Variants in METTL9 observed in about 807,000 individuals in gnomAD.
The protein encoded by METTL9 is protein-L-histidine N-pros-methyltransferase.
Under a neutral mutation model 36.0 loss-of-function variants are expected in METTL9, and 10 were observed. That is an observed-to-expected ratio of 0.28 (90% CI 0.17 to 0.47). The LOEUF (loss-of-function observed/expected upper bound fraction) is 0.47, where lower values mean the gene tolerates loss of function less well. Ranked by LOEUF, METTL9 falls within the 20% of genes least tolerant of loss-of-function variation. The pLI, the probability that METTL9 is intolerant of heterozygous loss-of-function variation, is 0.99. For synonymous variants in METTL9, 175 were observed against 149.7 expected (o/e 1.17, Z -1.23); for missense variants, 246 against 383.5 (o/e 0.64, Z 3.00).
intron 4 of METTL9, 166 bp from the exon 5 acceptor site, chr16:21,655,061 C>T: frequency 1.6e-6 from 1 of 632,886 alleles, no homozygotes; most frequent in East Asian, 2.8e-5. Context: ...TGTTCTTTAT[C>T]TGCCCACCTG....
At position 21,655,541 on chromosome 16, in the gene METTL9, T is replaced by G; in HGVS notation, c.*109T>G. The stretch of plus-strand genomic sequence containing the variant: ...GGAGGACCCTTGGGGACCGCCATTC[T>G]AAATATCATGTAGGAATTTAAAAAG... On this transcript the variant is annotated 3_prime_UTR_variant, in exon 5 of 5. Coordinates refer to ENST00000358154, the MANE Select transcript of METTL9 (RefSeq NM_016025.5). 1 of 893,604 alleles carries G rather than the reference T, an allele frequency of 1.1e-6. No individual in the cohort carries two copies. Among genetic ancestry groups the G allele is most frequent in the Non-Finnish European group, 1.7e-6 (1 of 582,350 alleles). 55.4% of individuals were successfully genotyped at this position (893,604 alleles called of 1,614,324 possible).
intron 4 of METTL9, among the ~76,000 whole-genome samples, chr16:21,629,417 C>T (rs1469387424): frequency 6.6e-6 from 1 of 152,110 alleles, no homozygotes; most frequent in African/African-American, 2.4e-5. Context: ...CAGCCTGTAC[C>T]TAGAAAGAGG....
intron 1 of METTL9, among the ~76,000 whole-genome samples, chr16:21,602,285 T>C (rs1965153834): frequency 6.6e-6 from 1 of 152,198 alleles, no homozygotes; most frequent in Non-Finnish European, 1.5e-5. Flanking sequence ...GAGGATTCTG[T>C]GGTTAAAAGA....
intron 2 of METTL9, among the ~76,000 whole-genome samples, chr16:21,613,168 CTTT>C (rs57388340): frequency 5.5e-5 from 5 of 91,416 alleles, no homozygotes; most frequent in East Asian, 3.5e-4. Context: ...TGAGAGTCTG[CTTT>C]TTTTTTTTTT....
At chr16:21,624,467 C>T (rs1229346192) in intron 3 of METTL9, among the ~76,000 whole-genome samples, 1 of 152,112 alleles carries the variant, frequency 6.6e-6, no homozygotes, top group African/African-American at 2.4e-5. Flanking sequence ...TAGCTCACAC[C>T]TGTAATCCCA....
At chr16:21,645,737 T>TTTTAGAA (rs1445378103) in intron 4 of METTL9, among the ~76,000 whole-genome samples, 9 of 152,188 alleles carry the variant, frequency 5.9e-5, no homozygotes, top group African/African-American at 2.2e-4. Context: ...ACTAACATGT[T>TTTTAGAA]TTTAGAAGGC....
intron 4 of METTL9, chr16:21,646,983 A>ATGG: frequency 9.5e-7 from 1 of 1,048,394 alleles, no homozygotes; most frequent in Non-Finnish European, 1.5e-6. Context: ...TCCAAACCTC[A>ATGG]TGGTGACTTG....
At chr16:21,648,587 T>C (rs535450872) in intron 4 of METTL9, among the ~76,000 whole-genome samples, 2 of 152,334 alleles carry the variant, frequency 1.3e-5, no homozygotes, top group African/African-American at 2.4e-5. Context: ...TTCCAAGTTA[T>C]GAGGATTGAG....
At chr16:21,644,652 ATATTGC>A (rs1966377298) in intron 4 of METTL9, among the ~76,000 whole-genome samples, 1 of 152,226 alleles carries the variant, frequency 6.6e-6, no homozygotes, top group African/African-American at 2.4e-5. Context: ...ACCATTTGTC[ATATTGC>A]TAAGCATCAC....
At chr16:21,628,497 C>A (rs1460775089) in intron 4 of METTL9, among the ~76,000 whole-genome samples, 1 of 151,804 alleles carries the variant, frequency 6.6e-6, no homozygotes, top group East Asian at 1.9e-4. Flanking sequence ...TTCTTTCTTT[C>A]TTTTTCTTTC....
intron 4 of METTL9, among the ~76,000 whole-genome samples, chr16:21,637,120 C>T (rs193011848): frequency 4.5e-4 from 69 of 152,274 alleles, no homozygotes; most frequent in Admixed American, 3.5e-3. Flanking sequence ...GAAGGGGACC[C>T]GAGCGGGTTG....
At chr16:21,652,616 C>T (rs767330123) in intron 4 of METTL9, 14 of 1,597,276 alleles carry the variant, frequency 8.8e-6, no homozygotes, top group South Asian at 3.4e-5. Context: ...TATGCCGGGG[C>T]GGGTTGGGGT....
At chr16:21,647,934 G>T (rs1213059954) in intron 4 of METTL9, among the ~76,000 whole-genome samples, 1 of 152,200 alleles carries the variant, frequency 6.6e-6, no homozygotes, top group Non-Finnish European at 1.5e-5. Context: ...CCAGACGAAC[G>T]TTGCTGCCGC....
At chr16:21,638,243 T>C (rs1193710455) in intron 4 of METTL9, among the ~76,000 whole-genome samples, 6 of 152,116 alleles carry the variant, frequency 3.9e-5, no homozygotes, top group Non-Finnish European at 7.4e-5. Context: ...ACTTGAACCC[T>C]GGAGGCAGAG....
chr16:21,599,945 T>C lies in METTL9; in HGVS notation c.165+47T>C, dbSNP rs901525696. 20 of 1,276,540 alleles carry C rather than the reference T, an allele frequency of 1.6e-5. No homozygotes were observed. Among genetic ancestry groups the C allele is most frequent in the Admixed American group, 4.3e-5 (1 of 23,050 alleles). The allele number at this position is 1,276,540 out of a possible 1,614,324, so 79.1% of individuals were successfully genotyped here. A position where few individuals can be genotyped will look rare whatever the true frequency, so the allele number is the denominator to read the frequency against. On this transcript the variant is annotated intron_variant, in intron 1 of 4. Coordinates refer to ENST00000358154, the MANE Select transcript of METTL9 (RefSeq NM_016025.5). This position sits in a 1 kb window ranked among gnomAD's most constrained non-coding sequence, Gnocchi z 4.4. ...GGGGCGGGGGCGTGGCGGCCCGGCC[T>C]TCCCGCGCTGGGCCCGGCTATTGTG...
intron 1 of METTL9, among the ~76,000 whole-genome samples, chr16:21,603,957 CT>C (rs967580828): frequency 3.6e-4 from 55 of 152,108 alleles, no homozygotes; most frequent in African/African-American, 1.2e-3. Flanking sequence ...AATTAAAATC[CT>C]TTTTTTTCCC....
chr16:21,599,849 G>T lies in METTL9; in HGVS notation c.116G>T (p.Gly39Val). The change falls in exon 1 of 5, where the codon GGC becomes GTC. Residue 39 changes from glycine to valine, a missense_variant. This residue lies in a region of METTL9 where 100 missense variants were observed against 81.4 expected (regional missense o/e 1.23). Transcript: ENST00000358154. The surrounding 1 kb of genome is among the most constrained non-coding windows in gnomAD (Gnocchi z 4.4). ...TRSLYVNMTS[G>V]PGGPAAAAGG... Reference sequence around the variant, plus strand: ...TCCCTGTACGTGAACATGACTAGCGGCCCGGGTGGGCCGGCGGCGGCCGCG... The same window carrying T: ...TCCCTGTACGTGAACATGACTAGCGTCCCGGGTGGGCCGGCGGCGGCCGCG... 2 of 1,511,854 alleles carry T rather than the reference G, an allele frequency of 1.3e-6. No individual in the cohort carries two copies. The highest frequency in any genetic ancestry group is 1.8e-6 in the Non-Finnish European group (2 of 1,136,610). The allele number at this position is 1,511,854 out of a possible 1,614,324, so 93.7% of individuals were successfully genotyped here.
At chr16:21,643,155 C>CTT in intron 4 of METTL9, 2 of 1,598,686 alleles carry the variant, frequency 1.3e-6, no homozygotes, top group Non-Finnish European at 1.7e-6. Flanking sequence ...CACTCTTCTT[C>CTT]TATAAAGACA....
chr16:21,642,840 T>G (rs1338548500), intron 4 of METTL9, among the ~76,000 whole-genome samples: 1 of 152,238 alleles, frequency 6.6e-6, no homozygotes, highest in African/African-American at 2.4e-5. Flanking sequence ...CTAATGTGTT[T>G]CTGAAAGTTT....
Sources: gnomAD v4.1 joint callset for allele counts (sites outside exome capture counted in the v4.1 genomes callset) on GRCh38, gnomAD v4.1.1 for gene constraint, gnomAD v4.1.1 regional missense constraint, Gnocchi (gnomAD v3.1) non-coding constraint, MANE v1.5 for transcripts, NCBI Gene and HGNC (gene_info 2026-07-23, HGNC 2026-07-21) for gene names.